Variants in RSBN1L observed in about 807,000 individuals in gnomAD.
The protein encoded by RSBN1L is round spermatid basic protein 1 like, also known as lysine-specific demethylase RSBN1L.
RSBN1L carries 30 observed loss-of-function variants against 67.7 expected under a neutral mutation model. That is an observed-to-expected ratio of 0.44 (90% CI 0.33 to 0.60). The LOEUF (loss-of-function observed/expected upper bound fraction) is 0.60, where lower values mean the gene tolerates loss of function less well. RSBN1L is among the 20% of genes least tolerant of loss of function. The probability of loss-of-function intolerance (pLI) is 0.02; values close to 1 mark genes in which losing one functional copy is unlikely to be tolerated. For missense variants in RSBN1L, 992 were observed against 1,031.7 expected (o/e 0.96, Z 0.53); for synonymous variants, 433 against 387.0 (o/e 1.12, Z -1.39).
chr7:77,706,481 G>A (rs1231882758), intron 1 of RSBN1L, among the ~76,000 whole-genome samples: 1 of 152,190 alleles, frequency 6.6e-6, no homozygotes, highest in Non-Finnish European at 1.5e-5. Flanking sequence ...AAAGTGCTGA[G>A]ATTACAGGTG....
intron 1 of RSBN1L, among the ~76,000 whole-genome samples, chr7:77,702,568 C>G (rs1790833057): frequency 6.6e-6 from 1 of 151,938 alleles, no homozygotes; most frequent in Non-Finnish European, 1.5e-5. Context: ...GGGTGGTGGG[C>G]AAGAAGGCTT....
chr7:77,770,876 A>G (rs369488081), intron 5 of RSBN1L, among the ~76,000 whole-genome samples: 1 of 152,200 alleles, frequency 6.6e-6, no homozygotes, highest in East Asian at 1.9e-4. Context: ...GAGAAAATGT[A>G]CATTAGGTTA....
At chr7:77,701,164 A>C (rs914336464) in intron 1 of RSBN1L, among the ~76,000 whole-genome samples, 6 of 114,320 alleles carry the variant, frequency 5.2e-5, no homozygotes, top group South Asian at 2.5e-4. Flanking sequence ...AAAAAAAAAA[A>C]AAAAAACAAC....
At chr7:77,706,085 T>C (rs966083520) in intron 1 of RSBN1L, among the ~76,000 whole-genome samples, 1 of 151,542 alleles carries the variant, frequency 6.6e-6, no homozygotes, top group Non-Finnish European at 1.5e-5. Context: ...TTAATGTTTT[T>C]TTTTTTTTGA....
intron 2 of RSBN1L, among the ~76,000 whole-genome samples, chr7:77,741,534 A>G (rs1791409784): frequency 6.6e-6 from 1 of 151,758 alleles, no homozygotes; most frequent in South Asian, 2.1e-4. Flanking sequence ...TACTAAAAAT[A>G]CAAAAAAATT....
chr7:77,721,773 T>C (rs780579836), intron 1 of RSBN1L, among the ~76,000 whole-genome samples: 11 of 152,228 alleles, frequency 7.2e-5, no homozygotes, highest in Non-Finnish European at 1.2e-4. Context: ...TGACATATTA[T>C]GGGAGTTTTC....
At chr7:77,727,342 C>A (rs892596580) in intron 1 of RSBN1L, among the ~76,000 whole-genome samples, 3 of 152,196 alleles carry the variant, frequency 2.0e-5, no homozygotes, top group Admixed American at 2.0e-4. Flanking sequence ...CTGTCTCGGC[C>A]TCCTGAAGTG....
chr7:77,741,677 G>C (rs1791412087), intron 2 of RSBN1L, among the ~76,000 whole-genome samples: 1 of 145,288 alleles, frequency 6.9e-6, no homozygotes, highest in South Asian at 2.1e-4. Flanking sequence ...GAGTGACAGA[G>C]CAAGACTCGG....
intron 1 of RSBN1L, among the ~76,000 whole-genome samples, chr7:77,709,502 C>T (rs866634547): frequency 6.6e-6 from 1 of 152,054 alleles, no homozygotes; most frequent in South Asian, 2.1e-4. Context: ...AATGGCCAGG[C>T]TGGTCTCAAA....
intron 3 of RSBN1L, among the ~76,000 whole-genome samples, chr7:77,760,592 C>CT (rs1354866973): frequency 6.6e-6 from 1 of 152,034 alleles, no homozygotes; most frequent in African/African-American, 2.4e-5. Flanking sequence ...CAGTGCATTT[C>CT]TTTTTTTAGA....
chr7:77,763,428 T>G (rs1285503413), intron 3 of RSBN1L, among the ~76,000 whole-genome samples: 1 of 152,222 alleles, frequency 6.6e-6, no homozygotes, highest in African/African-American at 2.4e-5. Flanking sequence ...TCAGAATCAC[T>G]TAACAGACTT....
intron 1 of RSBN1L, among the ~76,000 whole-genome samples, chr7:77,733,897 C>T (rs1298791443): frequency 4.6e-5 from 7 of 152,156 alleles, no homozygotes; most frequent in African/African-American, 1.2e-4. Flanking sequence ...GATGCCAAGG[C>T]GTGCAGATCA....
At chr7:77,729,489 G>C (rs553311298) in intron 1 of RSBN1L, among the ~76,000 whole-genome samples, 1 of 152,288 alleles carries the variant, frequency 6.6e-6, no homozygotes, top group African/African-American at 2.4e-5. Context: ...ACTGGCATTT[G>C]TTGACTGTAA....
chr7:77,712,394 C>T (rs1208687807), intron 1 of RSBN1L, among the ~76,000 whole-genome samples: 2 of 151,878 alleles, frequency 1.3e-5, no homozygotes, highest in Non-Finnish European at 2.9e-5. Context: ...CATTTTCCTG[C>T]CTCTGCCTCC....
chr7:77,748,520 C>G (rs1006515965), intron 2 of RSBN1L, among the ~76,000 whole-genome samples: 2 of 152,076 alleles, frequency 1.3e-5, no homozygotes, highest in African/African-American at 2.4e-5. Flanking sequence ...TAGGGTTTCG[C>G]TGTGTCACCC....
chr7:77,750,639 G>A lies in RSBN1L; in HGVS notation c.1344+575G>A, dbSNP rs574739492. ...CTGGAAAGCAGACAGAATAGAGTCT[G>A]CTGGGTCTTGAACATCAGTGTGGGC... On this transcript the variant is annotated intron_variant, in intron 3 of 7. Coordinates refer to ENST00000334955, the MANE Select transcript of RSBN1L (RefSeq NM_198467.3). Among the ~76,000 whole-genome samples the A allele has an allele frequency of 7.2e-5, 11 of 152,294 alleles. No individual in the cohort carries two copies. The East Asian group carries it at 2.1e-3, about 29-fold the overall frequency.
intron 1 of RSBN1L, among the ~76,000 whole-genome samples, chr7:77,733,486 C>T (rs917884709): frequency 1.3e-5 from 2 of 152,192 alleles, no homozygotes; most frequent in Non-Finnish European, 2.9e-5. Flanking sequence ...TACCCGAGTG[C>T]ATATTCTAAG....
In RSBN1L at chr7:77,696,692, C is replaced by T. The variant is rs765531692; in HGVS notation, c.223C>T (p.Pro75Ser). The change falls in exon 1 of 8, where the codon CCT (proline) becomes TCT (serine). Residue 75 changes from proline to serine, a missense_variant. Physicochemically the swap from Pro to Ser is moderately conservative, Grantham distance 74. Around this residue, in one of 7 missense-constraint regions of RSBN1L, gnomAD observed 575 missense variants for 483.2 expected, o/e 1.19. Transcript: ENST00000334955. ...NSRQLQPPAA[P>S]SPQSYGSPAS... is the part of the protein sequence containing the mutation. ...CAGGCAGCTGCAGCCGCCGGCAGCA[C>T]CTTCGCCTCAGAGCTATGGCAGCCC... 2.5e-6 allele frequency: 4 copies of T among 1,612,936 alleles called. No homozygotes were observed. Among genetic ancestry groups the T allele is most frequent in the Non-Finnish European group, 3.4e-6 (4 of 1,179,442 alleles).
At chr7:77,712,446 A>G (rs574331064) in intron 1 of RSBN1L, among the ~76,000 whole-genome samples, 1 of 152,134 alleles carries the variant, frequency 6.6e-6, no homozygotes, top group East Asian at 1.9e-4. Context: ...ATGACTGGCT[A>G]ATTTTTGTAT....
Sources: allele counts gnomAD v4.1 joint callset (sites outside exome capture counted in the v4.1 genomes callset), GRCh38; gene constraint gnomAD v4.1.1; regional missense constraint gnomAD v4.1.1; transcripts MANE v1.5; gene names NCBI Gene and HGNC (gene_info 2026-07-23, HGNC 2026-07-21).